Variants in CSMD1 observed in about 807,000 individuals in gnomAD.
The protein encoded by CSMD1 is CUB and Sushi multiple domains 1.
Under a neutral mutation model 417.5 loss-of-function variants are expected in CSMD1, and 213 were observed. The observed-to-expected ratio is 0.51, with a 90% confidence interval of 0.46 to 0.57. The LOEUF is 0.57. Among genes scored for constraint, CSMD1 ranks in the 20% least tolerant of loss-of-function variants. CSMD1 has a pLI of 0.00. For missense variants in CSMD1, 6,923 were observed against 4,529.7 expected (o/e 1.53, Z -15.17); for synonymous variants, 2,862 against 1,736.8 (o/e 1.65, Z -16.11).
At chr8:4,070,563 T>C (rs1245943124) in intron 3 of CSMD1, among the ~76,000 whole-genome samples, 1 of 152,140 alleles carries the variant, frequency 6.6e-6, no homozygotes, top group African/African-American at 2.4e-5. Flanking sequence ...TTCACCGTGT[T>C]AGCCAGGATG....
intron 1 of CSMD1, among the ~76,000 whole-genome samples, chr8:4,822,134 A>T (rs1799557906): frequency 6.6e-6 from 1 of 151,950 alleles, no homozygotes; most frequent in African/African-American, 2.4e-5. Flanking sequence ...CCTTTTTGAA[A>T]GTTAAATGTT....
intron 1 of CSMD1, among the ~76,000 whole-genome samples, chr8:4,776,727 C>T (rs902239841): frequency 2.0e-5 from 3 of 152,030 alleles, no homozygotes; most frequent in African/African-American, 7.3e-5. Context: ...AATTTTGTAG[C>T]AAAGTGCCAC....
At chr8:3,428,009 C>G (rs184229129) in intron 12 of CSMD1, among the ~76,000 whole-genome samples, 246 of 152,308 alleles carry the variant, frequency 1.6e-3, no homozygotes, top group African/African-American at 5.7e-3. Context: ...CCATGAAGAA[C>G]ATAGTAACTT....
intron 12 of CSMD1, among the ~76,000 whole-genome samples, chr8:3,467,092 C>G (rs986942380): frequency 6.6e-6 from 1 of 152,160 alleles, no homozygotes; most frequent in East Asian, 1.9e-4. Context: ...ACTCTTACCA[C>G]AGCACTAATT....
chr8:4,314,558 C>G (rs76232177), intron 3 of CSMD1, among the ~76,000 whole-genome samples: 2,938 of 152,110 alleles, frequency 0.019, 98 homozygotes, highest in African/African-American at 0.066. Flanking sequence ...TTCTAAACTC[C>G]AGTCCACAAT....
chr8:4,408,709 C>G (rs560546531), intron 3 of CSMD1, among the ~76,000 whole-genome samples: 1 of 152,256 alleles, frequency 6.6e-6, no homozygotes, highest in Non-Finnish European at 1.5e-5. Context: ...AGTTGACCAG[C>G]TCTCAGAATA....
chr8:2,968,713 TAAAAC>T (rs1804187978), intron 57 of CSMD1, among the ~76,000 whole-genome samples: 1 of 151,646 alleles, frequency 6.6e-6, no homozygotes, highest in Non-Finnish European at 1.5e-5. Context: ...GGACTAAGAC[TAAAAC>T]AAAACAATAG....
At chr8:4,342,659 G>A (rs1800547026) in intron 3 of CSMD1, among the ~76,000 whole-genome samples, 1 of 152,032 alleles carries the variant, frequency 6.6e-6, no homozygotes. Flanking sequence ...CACATGTGAT[G>A]CTAAACATGA....
intron 3 of CSMD1, among the ~76,000 whole-genome samples, chr8:4,343,971 A>T (rs1009696510): frequency 1.3e-5 from 2 of 152,154 alleles, no homozygotes; most frequent in Non-Finnish European, 2.9e-5. Flanking sequence ...TATACAATAA[A>T]TTCTAGTAAA....
intron 1 of CSMD1, among the ~76,000 whole-genome samples, chr8:4,808,014 T>C (rs560358596): frequency 2.0e-5 from 3 of 152,294 alleles, no homozygotes; most frequent in East Asian, 1.9e-4. Context: ...GTGTATCCCA[T>C]TGCTCTCGCC....
At chr8:4,799,598 CAAAAAAAAAAAAAAA>C (rs1168273531) in intron 1 of CSMD1, among the ~76,000 whole-genome samples, 2 of 47,152 alleles carry the variant, frequency 4.2e-5, no homozygotes, top group Non-Finnish European at 6.8e-5. Context: ...GACTCCGTCT[CAAAAAAAAAAAAAAA>C]AAAAAAAAAA....
intron 1 of CSMD1, among the ~76,000 whole-genome samples, chr8:4,933,395 C>T (rs1026841972): frequency 1.3e-5 from 2 of 152,074 alleles, no homozygotes; most frequent in African/African-American, 4.8e-5. Context: ...CGCCATCTGA[C>T]CTTATGGGGA....
At chr8:4,300,439 C>G (rs55700520) in intron 3 of CSMD1, among the ~76,000 whole-genome samples, 2 of 152,172 alleles carry the variant, frequency 1.3e-5, no homozygotes, top group African/African-American at 4.8e-5. Context: ...TTCAGTCCAT[C>G]CCTAAAGAAC....
chr8:4,673,878 G>A (rs1805508473), intron 1 of CSMD1, among the ~76,000 whole-genome samples: 1 of 152,112 alleles, frequency 6.6e-6, no homozygotes, highest in Non-Finnish European at 1.5e-5. Context: ...AGGGGCTGGG[G>A]AATGGTAATG....
At chr8:4,533,301 T>G (rs760410125) in intron 2 of CSMD1, among the ~76,000 whole-genome samples, 1 of 152,216 alleles carries the variant, frequency 6.6e-6, no homozygotes, top group Non-Finnish European at 1.5e-5. Flanking sequence ...GGAAGCCAAG[T>G]TGTCATGACA....
intron 36 of CSMD1, among the ~76,000 whole-genome samples, chr8:3,187,194 C>CTAATGCTATTACAGTG (rs1459126074): frequency 1.3e-5 from 2 of 152,240 alleles, no homozygotes; most frequent in East Asian, 3.9e-4. Context: ...AGTTTGAGTC[C>CTAATGCTATTACAGTG]TAATGCTATT....
chr8:4,673,200 T>C (rs368484279), intron 1 of CSMD1, among the ~76,000 whole-genome samples: 14 of 152,298 alleles, frequency 9.2e-5, no homozygotes, highest in African/African-American at 2.9e-4. Flanking sequence ...ATTTATCAGG[T>C]ACAATGTTAA....
intron 6 of CSMD1, among the ~76,000 whole-genome samples, chr8:3,714,025 C>CAGAT (rs36006305): frequency 0.19 from 27,342 of 146,948 alleles, 2,541 homozygotes; most frequent in African/African-American, 0.21. Flanking sequence ...GCTCACTATG[C>CAGAT]AGATAGATAG....
intron 5 of CSMD1, among the ~76,000 whole-genome samples, chr8:3,825,757 T>G (rs1230971826): frequency 3.9e-5 from 6 of 152,198 alleles, no homozygotes; most frequent in African/African-American, 1.4e-4. Context: ...TGGGGCCACA[T>G]GAACTGTGGA....
Sources: allele counts gnomAD v4.1 joint callset (sites outside exome capture counted in the v4.1 genomes callset), GRCh38; gene constraint gnomAD v4.1.1; transcripts MANE v1.5; gene names NCBI Gene and HGNC (gene_info 2026-07-23, HGNC 2026-07-21).